PKN2: variants seen among roughly 807,000 people sequenced by gnomAD.
PKN2 encodes the protein serine/threonine-protein kinase N2.
PKN2 carries 38 observed loss-of-function variants against 119.1 expected under a neutral mutation model. That is an observed-to-expected ratio of 0.32 (90% CI 0.25 to 0.42). The LOEUF is 0.42. Among genes scored for constraint, PKN2 ranks in the 10% least tolerant of loss-of-function variants. The pLI is 1.00. For synonymous variants in PKN2, 390 were observed against 384.9 expected, an observed-to-expected ratio of 1.01 and a Z score of -0.15; for missense variants, 850 against 1,165.1, an observed-to-expected ratio of 0.73 and a Z score of 3.94.
intron 1 of PKN2, among the ~76,000 whole-genome samples, chr1:88,710,593 CA>C (rs1252787428): frequency 6.6e-6 from 1 of 152,108 alleles, no homozygotes; most frequent in Non-Finnish European, 1.5e-5. Context: ...AAATCAAAAC[CA>C]CAGTGAGATA....
chr1:88,800,987 C>T (rs1440782229), intron 8 of PKN2, among the ~76,000 whole-genome samples: 4 of 152,084 alleles, frequency 2.6e-5, no homozygotes, highest in Non-Finnish European at 1.5e-5. Context: ...TATCGTTGCT[C>T]CTAGAGTTTG....
At chr1:88,815,660 CTAACTT>C (rs1671956506) in intron 16 of PKN2, among the ~76,000 whole-genome samples, 1 of 152,130 alleles carries the variant, frequency 6.6e-6, no homozygotes, top group South Asian at 2.1e-4. Flanking sequence ...GTTTCATAGT[CTAACTT>C]TAGACAAATT....
At chr1:88,736,449 T>C (rs7516183) in intron 1 of PKN2, among the ~76,000 whole-genome samples, 10,170 of 152,144 alleles carry the variant, frequency 0.067, 695 homozygotes, top group African/African-American at 0.18. Flanking sequence ...CTGCAGCCTC[T>C]GCCTCTCAGG....
intron 2 of PKN2, among the ~76,000 whole-genome samples, chr1:88,752,916 G>A (rs1344083646): frequency 1.3e-5 from 2 of 151,696 alleles, no homozygotes; most frequent in African/African-American, 4.8e-5. Context: ...TATTACATTT[G>A]GGTTTATATT....
At chr1:88,792,897 T>C (rs1016912698) in intron 8 of PKN2, among the ~76,000 whole-genome samples, 1 of 152,208 alleles carries the variant, frequency 6.6e-6, no homozygotes, top group Non-Finnish European at 1.5e-5. Context: ...TTCCATAATA[T>C]TATTCAAGGT....
intron 8 of PKN2, among the ~76,000 whole-genome samples, chr1:88,799,711 A>G (rs926366618): frequency 5.9e-5 from 9 of 152,322 alleles, no homozygotes; most frequent in African/African-American, 1.7e-4. Context: ...TCTGGCAATG[A>G]TTTAAGTTCC....
chr1:88,749,866 T>G (rs1196453616), intron 2 of PKN2, among the ~76,000 whole-genome samples: 1 of 152,206 alleles, frequency 6.6e-6, no homozygotes, highest in Non-Finnish European at 1.5e-5. Context: ...TAGTTCCTCT[T>G]TAATTGTTTA....
At position 88,780,559 on chromosome 1, in the gene PKN2, T is replaced by C. The variant is rs190154016; in HGVS notation, c.986-4080T>C. Among the ~76,000 whole-genome samples the C allele has an allele frequency of 1.1e-4, 16 of 152,322 alleles. No individual in the cohort carries two copies. The East Asian group carries it at 2.5e-3, about 24-fold the overall frequency. Reference sequence around the variant, plus strand: ...GCCTTAGTATTCATCTTCTTATATGTATTTTTAAATCAAAACTGGAATATA... The same window carrying C: ...GCCTTAGTATTCATCTTCTTATATGCATTTTTAAATCAAAACTGGAATATA... On this transcript the variant is annotated intron_variant, in intron 6 of 21. Transcript: ENST00000370521.
chr1:88,803,388 A>G (rs1671409529), intron 8 of PKN2, among the ~76,000 whole-genome samples: 1 of 152,204 alleles, frequency 6.6e-6, no homozygotes, highest in Non-Finnish European at 1.5e-5. Flanking sequence ...TATAAATTGA[A>G]ATTTGTTATA....
chr1:88,828,277 C>CATTA (rs1413154896), intron 18 of PKN2, among the ~76,000 whole-genome samples: 2 of 152,144 alleles, frequency 1.3e-5, no homozygotes, highest in Admixed American at 1.3e-4. Flanking sequence ...TCTATTTACC[C>CATTA]ATTAATTAGA....
chr1:88,751,611 T>C (rs1351452872), intron 2 of PKN2, among the ~76,000 whole-genome samples: 1 of 152,196 alleles, frequency 6.6e-6, no homozygotes, highest in African/African-American at 2.4e-5. Context: ...ACTTACATGC[T>C]ATTGTTGGCC....
chr1:88,758,038 C>CA (rs33914457), intron 2 of PKN2, among the ~76,000 whole-genome samples: 966 of 58,988 alleles, frequency 0.016, 25 homozygotes, highest in Admixed American at 0.02. Flanking sequence ...GAGACTATCT[C>CA]AAAAAAAAAA....
chr1:88,824,549 T>C (rs183632515), intron 18 of PKN2, among the ~76,000 whole-genome samples, 163 bp downstream of exon 18: 210 of 152,334 alleles, frequency 1.4e-3, no homozygotes, highest in African/African-American at 4.8e-3. Context: ...AACCTAATTA[T>C]CACATTAAGA....
chr1:88,699,565 C>G (rs1043253070), intron 1 of PKN2, among the ~76,000 whole-genome samples: 1 of 152,124 alleles, frequency 6.6e-6, no homozygotes, highest in African/African-American at 2.4e-5. Context: ...TCCTGATGCT[C>G]TCCCTGCTGT....
chr1:88,714,156 C>T (rs1667351966), intron 1 of PKN2, among the ~76,000 whole-genome samples: 2 of 152,152 alleles, frequency 1.3e-5, no homozygotes, highest in South Asian at 4.2e-4. Flanking sequence ...TGTTTTGGTA[C>T]CAGTACCGTG....
At chr1:88,809,076 G>A (rs1000391655) in intron 15 of PKN2, among the ~76,000 whole-genome samples, 9 of 152,092 alleles carry the variant, frequency 5.9e-5, no homozygotes, top group African/African-American at 2.2e-4. Context: ...GGCCTCAAAA[G>A]GTTGAGATTT....
chr1:88,805,000 T>A (rs1671479646), intron 10 of PKN2, 79 bp downstream of exon 10: 2 of 671,426 alleles, frequency 3.0e-6, no homozygotes, highest in African/African-American at 1.9e-5. Context: ...GTAATAGCCA[T>A]CTGTGTGGGT....
intron 2 of PKN2, among the ~76,000 whole-genome samples, chr1:88,753,864 G>T (rs1669098474): frequency 6.6e-6 from 1 of 152,124 alleles, no homozygotes; most frequent in Non-Finnish European, 1.5e-5. Flanking sequence ...CAGGGACACA[G>T]ATCCAAACCA....
chr1:88,699,579 C>G (rs1176922130), intron 1 of PKN2, among the ~76,000 whole-genome samples: 1 of 152,054 alleles, frequency 6.6e-6, no homozygotes, highest in Non-Finnish European at 1.5e-5. Flanking sequence ...CTGCTGTCAT[C>G]CCCCACCCTC....
Sources: allele counts gnomAD v4.1 joint callset (sites outside exome capture counted in the v4.1 genomes callset), GRCh38; gene constraint gnomAD v4.1.1; transcripts MANE v1.5; gene names NCBI Gene and HGNC (gene_info 2026-07-23, HGNC 2026-07-21).